The following EPHA6 variants were observed in gnomAD, a reference collection of about 807,000 sequenced individuals.
EPHA6 encodes ephrin type-A receptor 6.
A neutral mutation model predicts 112.0 loss-of-function variants in EPHA6; 50 were observed. That is an observed-to-expected ratio of 0.45 (90% CI 0.36 to 0.56). The LOEUF is 0.56. Among genes scored for constraint, EPHA6 ranks in the 20% least tolerant of loss-of-function variants. EPHA6 has a pLI of 0.00. For missense variants in EPHA6, 1,280 were observed against 1,417.4 expected, an observed-to-expected ratio of 0.90 and a Z score of 1.56; for synonymous variants, 529 against 490.7, an observed-to-expected ratio of 1.08 and a Z score of -1.03.
At chr3:97,631,149 A>G (rs1016993422) in intron 13 of EPHA6, among the ~76,000 whole-genome samples, 13 of 152,056 alleles carry the variant, frequency 8.5e-5, no homozygotes, top group African/African-American at 3.1e-4. Flanking sequence ...GAGCAAAACA[A>G]AAGTAAGTGG....
chr3:97,402,578 T>C (rs1269676212), intron 5 of EPHA6, among the ~76,000 whole-genome samples: 1 of 152,118 alleles, frequency 6.6e-6, no homozygotes, highest in Non-Finnish European at 1.5e-5. Context: ...GGTCTTGTTT[T>C]TTTAAGCGGT....
At chr3:97,389,290 C>T (rs1274371270) in intron 5 of EPHA6, among the ~76,000 whole-genome samples, 3 of 152,184 alleles carry the variant, frequency 2.0e-5, no homozygotes, top group Non-Finnish European at 4.4e-5. Context: ...GGCATAGGCA[C>T]TAGCCAGTTG....
At chr3:97,275,581 A>G (rs929059782) in intron 5 of EPHA6, among the ~76,000 whole-genome samples, 3 of 152,178 alleles carry the variant, frequency 2.0e-5, no homozygotes, top group African/African-American at 7.2e-5. Context: ...ACAGATCCTG[A>G]ACTAACCTGT....
chr3:97,481,544 G>T (rs1013119685), intron 9 of EPHA6: 3 of 768,452 alleles, frequency 3.9e-6, no homozygotes, highest in Non-Finnish European at 6.9e-6. Context: ...GGGGTCCCTA[G>T]AGCCGCCGGG....
At chr3:97,164,678 A>G (rs768540340) in intron 3 of EPHA6, among the ~76,000 whole-genome samples, 3 of 152,094 alleles carry the variant, frequency 2.0e-5, no homozygotes, top group Non-Finnish European at 4.4e-5. Flanking sequence ...TTCACATGGC[A>G]TATGTGGTTC....
chr3:96,883,014 T>G (rs1257757248), intron 2 of EPHA6, among the ~76,000 whole-genome samples: 3 of 152,194 alleles, frequency 2.0e-5, no homozygotes, highest in African/African-American at 4.8e-5. Context: ...CTGTTTTCCA[T>G]AGCAATTGTA....
chr3:97,528,631 C>T (rs989311315), intron 10 of EPHA6, among the ~76,000 whole-genome samples: 1 of 152,134 alleles, frequency 6.6e-6, no homozygotes, highest in Non-Finnish European at 1.5e-5. Context: ...AATCTCAGAA[C>T]ATGGGAAGTA....
intron 12 of EPHA6, among the ~76,000 whole-genome samples, chr3:97,603,236 T>C (rs1033475312): frequency 5.3e-5 from 8 of 151,976 alleles, no homozygotes; most frequent in Non-Finnish European, 1.2e-4. Flanking sequence ...TATGATAATT[T>C]CTAGCAGGAA....
rs142962601 is a variant in EPHA6 at position 97,276,253 on chromosome 3, A to G, written c.1606+31966A>G. Among the ~76,000 whole-genome samples the G allele has an allele frequency of 2.4e-3, 369 of 152,232 alleles. 3 individuals are homozygous for G. Among genetic ancestry groups the G allele is most frequent in the African/African-American group, 8.4e-3 (349 of 41,560 alleles). ...CGGGCAGTGTCAGTCTTCAGCCTCTAAGTGGAGAAGATCTGGGAAGGAGTC... is the reference window on the plus strand; with the variant it reads ...CGGGCAGTGTCAGTCTTCAGCCTCTGAGTGGAGAAGATCTGGGAAGGAGTC... On this transcript the variant is annotated intron_variant, in intron 5 of 17. Coordinates refer to ENST00000389672, the MANE Select transcript of EPHA6 (RefSeq NM_001080448.3).
intron 5 of EPHA6, among the ~76,000 whole-genome samples, chr3:97,282,191 A>T (rs1297095286): frequency 6.6e-6 from 1 of 152,192 alleles, no homozygotes; most frequent in Non-Finnish European, 1.5e-5. Context: ...ATGATGTCAG[A>T]TAAATATAAG....
At chr3:97,256,308 G>A (rs1262598050) in intron 5 of EPHA6, among the ~76,000 whole-genome samples, 1 of 151,932 alleles carries the variant, frequency 6.6e-6, no homozygotes, top group African/African-American at 2.4e-5. Flanking sequence ...GCCTTCATGT[G>A]ACTTTTTAAC....
chr3:97,170,124 GA>G lies in EPHA6; in HGVS notation c.1115-56129del, dbSNP rs11463071. Among the ~76,000 whole-genome samples, 69 of 142,048 alleles carry G rather than the reference GA, an allele frequency of 4.9e-4. 1 individual carries two copies. Among genetic ancestry groups the G allele is most frequent in the Middle Eastern group, 3.8e-3 (1 of 264 alleles). The allele number at this position is 142,048 out of a possible 152,430, so 93.2% of individuals were successfully genotyped here. On this transcript the variant is annotated intron_variant, in intron 3 of 17. Coordinates refer to ENST00000389672, the MANE Select transcript of EPHA6 (RefSeq NM_001080448.3). ...TAGCACATGTATCCCAGAACTTAAA[GA>G]AAAAAAAAAAGCCAAAATAGAAGGA...
chr3:97,264,054 G>T (rs2079590219), intron 5 of EPHA6, among the ~76,000 whole-genome samples: 1 of 152,282 alleles, frequency 6.6e-6, no homozygotes, highest in South Asian at 2.1e-4. Context: ...AGCTGTGCAG[G>T]TTATACATTT....
At chr3:96,907,780 A>C (rs986423714) in intron 2 of EPHA6, among the ~76,000 whole-genome samples, 2 of 151,920 alleles carry the variant, frequency 1.3e-5, no homozygotes, top group Non-Finnish European at 2.9e-5. Context: ...ACCTTGAGTT[A>C]TACAACCTTG....
intron 3 of EPHA6, among the ~76,000 whole-genome samples, chr3:97,066,209 A>G (rs2046173728): frequency 6.6e-6 from 1 of 152,070 alleles, no homozygotes; most frequent in South Asian, 2.1e-4. Context: ...TGTTTCTTCT[A>G]CCATAGGCCT....
chr3:97,025,552 C>T (rs151010628), intron 3 of EPHA6, among the ~76,000 whole-genome samples: 11 of 152,124 alleles, frequency 7.2e-5, no homozygotes, highest in African/African-American at 2.4e-4. Context: ...AATCTTTGCC[C>T]GTGCCTATGT....
chr3:97,396,106 G>A (rs564190637), intron 5 of EPHA6, among the ~76,000 whole-genome samples: 2 of 151,442 alleles, frequency 1.3e-5, no homozygotes, highest in Admixed American at 6.6e-5. Context: ...GGGATTTTCC[G>A]GATTGCTGGA....
At chr3:97,566,845 A>G (rs62262781) in intron 11 of EPHA6, among the ~76,000 whole-genome samples, 443 of 152,262 alleles carry the variant, frequency 2.9e-3, no homozygotes, top group Non-Finnish European at 4.6e-3. Flanking sequence ...ATTCAATTCC[A>G]ATGAGTAATA....
chr3:96,879,370 T>C (rs1366536278), intron 2 of EPHA6, among the ~76,000 whole-genome samples: 1 of 152,132 alleles, frequency 6.6e-6, no homozygotes, highest in Non-Finnish European at 1.5e-5. Context: ...CACACACTTT[T>C]ACTGCATGAA....
Sources: gnomAD v4.1 joint callset for allele counts (sites outside exome capture counted in the v4.1 genomes callset) on GRCh38, gnomAD v4.1.1 for gene constraint, MANE v1.5 for transcripts, NCBI Gene and HGNC (gene_info 2026-07-23, HGNC 2026-07-21) for gene names.